The following SATB1 variants were observed in gnomAD, a reference collection of about 807,000 sequenced individuals.
The protein encoded by SATB1 is DNA-binding protein SATB1.
In SATB1, 11 loss-of-function variants were observed where a neutral mutation model predicts 86.9. That is an observed-to-expected ratio of 0.13 (90% CI 0.08 to 0.21). SATB1 has a LOEUF of 0.21. SATB1 is among the 10% of genes least tolerant of loss of function. The probability of loss-of-function intolerance (pLI) is 1.00; values close to 1 mark genes in which losing one functional copy is unlikely to be tolerated. For missense variants in SATB1, 551 were observed against 937.6 expected (o/e 0.59, Z 5.39); for synonymous variants, 357 against 357.2 (o/e 1.00, Z 0.01).
At chr3:18,376,195 G>A (rs915281171) in intron 9 of SATB1, among the ~76,000 whole-genome samples, 20 of 151,840 alleles carry the variant, frequency 1.3e-4, no homozygotes, top group African/African-American at 2.2e-4. Flanking sequence ...GGGAGAACCC[G>A]GGGTATCATT....
intron 5 of SATB1, among the ~76,000 whole-genome samples, chr3:18,405,998 C>T (rs992425242): frequency 6.6e-6 from 1 of 151,966 alleles, no homozygotes; most frequent in African/African-American, 2.4e-5. Context: ...GTAATCATCT[C>T]ATTAGAAGTT....
At position 18,386,395 on chromosome 3, in the gene SATB1, G is replaced by A. The variant is rs773786950; in HGVS notation, c.1419+4C>T. 9.9e-6 allele frequency: 16 copies of A among 1,609,236 alleles called. No homozygotes were observed. The highest frequency in any genetic ancestry group is 5.5e-5 in the South Asian group (5 of 90,876). ...GAAGGGCAAGGAGGAAAAGGAGACC[G>A]CACCTGGGGAGGACGGCTGGGTGGT... On this transcript the variant is annotated splice_donor_region_variant and intron_variant, in intron 8 of 10. Coordinates refer to ENST00000338745, the MANE Select transcript of SATB1 (RefSeq NM_002971.6). This position sits in a 1 kb window ranked among gnomAD's most constrained non-coding sequence, Gnocchi z 4.5.
chr3:18,378,026 G>T, intron 9 of SATB1, 144 bp downstream of exon 9: 2 of 704,184 alleles, frequency 2.8e-6, no homozygotes, highest in East Asian at 3.1e-5. Flanking sequence ...TTTGAATATT[G>T]TTTCATTTTA....
At chr3:18,364,095 T>C (rs1695060289) in intron 9 of SATB1, among the ~76,000 whole-genome samples, 1 of 152,140 alleles carries the variant, frequency 6.6e-6, no homozygotes, top group African/African-American at 2.4e-5. Context: ...TCAGGTTAAT[T>C]TGAGAATCCC....
Position 18,376,077 on chromosome 3 carries a change from C to G in SATB1, c.1575+2093G>C, listed in dbSNP as rs184004089. On this transcript the variant is annotated intron_variant, in intron 9 of 10. Coordinates refer to ENST00000338745, the MANE Select transcript of SATB1 (RefSeq NM_002971.6). Reference sequence around the variant, plus strand: ...TGAGGAGCTGTGTAGGACAGGGTAACAAAGAGCAGGGATGTTTAAAATGGC... The same window carrying G: ...TGAGGAGCTGTGTAGGACAGGGTAAGAAAGAGCAGGGATGTTTAAAATGGC... Among the ~76,000 whole-genome samples, 14 of 152,160 alleles carry G rather than the reference C, an allele frequency of 9.2e-5. No individual in the cohort carries two copies. The East Asian group carries it at 2.7e-3, about 29-fold the overall frequency.
At chr3:18,356,373 C>A (rs1415642504) in intron 9 of SATB1, among the ~76,000 whole-genome samples, 4 of 138,318 alleles carry the variant, frequency 2.9e-5, no homozygotes, top group Non-Finnish European at 6.2e-5. Context: ...AAATAACATT[C>A]TTTTGACTGG....
chr3:18,371,251 G>A (rs1028733159), intron 9 of SATB1, among the ~76,000 whole-genome samples: 1 of 152,092 alleles, frequency 6.6e-6, no homozygotes, highest in Non-Finnish European at 1.5e-5. Context: ...AACAGAAGTA[G>A]ATTAAGACTT....
At chr3:18,426,633 C>G (rs1402209757), upstream of SATB1, among the ~76,000 whole-genome samples, 2 of 152,128 alleles carry the variant, frequency 1.3e-5, no homozygotes, top group Non-Finnish European at 2.9e-5. This position sits in a 1 kb window ranked among gnomAD's most constrained non-coding sequence, Gnocchi z 4.2. Context: ...GGTTTTAGTT[C>G]TACCATTTTA....
At chr3:18,360,616 T>C (rs1267605604) in intron 9 of SATB1, among the ~76,000 whole-genome samples, 1 of 152,078 alleles carries the variant, frequency 6.6e-6, no homozygotes, top group Non-Finnish European at 1.5e-5. Flanking sequence ...ATATCTCATA[T>C]AGGCATTTAT....
rs1265656833 is a variant in SATB1 at position 18,423,828 on chromosome 3, C to G, written c.-226G>C. The stretch of plus-strand genomic sequence containing the variant: ...TTTCCTTTCCCCTACCCCCGCCCCC[C>G]TAAGCGGGGGAAGGGCAGAAATAAA... On this transcript the variant is annotated 5_prime_UTR_variant, in exon 1 of 11. An upstream open reading frame in the 5' UTR loses its in-frame stop. Coordinates refer to ENST00000338745, the MANE Select transcript of SATB1 (RefSeq NM_002971.6). 1 of 151,428 alleles carries G rather than the reference C, an allele frequency of 6.6e-6. No homozygotes were observed. Among genetic ancestry groups the G allele is most frequent in the African/African-American group, 2.4e-5 (1 of 41,184 alleles). The allele number at this position is 151,428 out of a possible 1,614,324, so 9.4% of individuals were successfully genotyped here.
intron 9 of SATB1, among the ~76,000 whole-genome samples, chr3:18,364,578 AT>A (rs34972732): frequency 1.1e-3 from 170 of 152,142 alleles, no homozygotes; most frequent in Middle Eastern, 3.4e-3. Flanking sequence ...AAATAAAGTC[AT>A]TTTTTTCATC....
chr3:18,397,697 T>C (rs551480836), intron 5 of SATB1, among the ~76,000 whole-genome samples: 6 of 152,334 alleles, frequency 3.9e-5, no homozygotes, highest in African/African-American at 1.4e-4. Context: ...CTACTCAAAG[T>C]ATAGACCAGG....
intron 7 of SATB1, among the ~76,000 whole-genome samples, chr3:18,391,188 A>G (rs992234421): frequency 1.3e-5 from 2 of 152,132 alleles, no homozygotes; most frequent in Admixed American, 6.6e-5. Flanking sequence ...TTAAGATGAT[A>G]AGAAAATTCT....
intron 6 of SATB1, among the ~76,000 whole-genome samples, chr3:18,395,581 T>C (rs547785503): frequency 6.6e-6 from 1 of 152,352 alleles, no homozygotes; most frequent in Admixed American, 6.5e-5. Context: ...TAGGTATATC[T>C]GGAAATACTT....
intron 2 of SATB1, chr3:18,436,687 C>T (rs1699077419): frequency 6.6e-6 from 1 of 152,114 alleles, no homozygotes; most frequent in Non-Finnish European, 1.5e-5. Flanking sequence ...TTAATGAGTG[C>T]TCAATACGTA....
intron 9 of SATB1, among the ~76,000 whole-genome samples, chr3:18,359,738 AAC>A (rs1282430983): frequency 6.6e-6 from 1 of 151,828 alleles, no homozygotes; most frequent in Non-Finnish European, 1.5e-5. Flanking sequence ...GCTCCTATTT[AAC>A]ATTTATGCAC....
chr3:18,392,360 A>G (rs1281347497), intron 7 of SATB1, among the ~76,000 whole-genome samples: 1 of 152,088 alleles, frequency 6.6e-6, no homozygotes, highest in Non-Finnish European at 1.5e-5. Flanking sequence ...CAAATGGCCA[A>G]CTCCTCATAG....
At chr3:18,418,007 G>A (rs1221991168) in intron 2 of SATB1, among the ~76,000 whole-genome samples, 1 of 152,146 alleles carries the variant, frequency 6.6e-6, no homozygotes, top group Non-Finnish European at 1.5e-5. Context: ...GAATGCTGTG[G>A]TACTCAAGGT....
chr3:18,392,580 C>A (rs997391343), intron 7 of SATB1, among the ~76,000 whole-genome samples: 1 of 141,352 alleles, frequency 7.1e-6, no homozygotes, highest in Non-Finnish European at 1.5e-5. Context: ...CACATACACA[C>A]ACACATATAT....
Sources: gnomAD v4.1 joint callset for allele counts (sites outside exome capture counted in the v4.1 genomes callset) on GRCh38, gnomAD v4.1.1 for gene constraint, Gnocchi (gnomAD v3.1) non-coding constraint, MANE v1.5 for transcripts, NCBI Gene and HGNC (gene_info 2026-07-23, HGNC 2026-07-21) for gene names.